TSNARE1: variants seen among roughly 807,000 people sequenced by gnomAD.
The protein encoded by TSNARE1 is t-SNARE domain containing 1.
Under a neutral mutation model 62.0 loss-of-function variants are expected in TSNARE1, and 49 were observed. The observed-to-expected ratio is 0.79, with a 90% CI of 0.63 to 1.00. The LOEUF (loss-of-function observed/expected upper bound fraction) is 1.00. Ranked by LOEUF, TSNARE1 falls within the 50% of genes least tolerant of loss-of-function variation. TSNARE1 has a pLI of 0.00. For synonymous variants in TSNARE1, 328 were observed against 294.4 expected (o/e 1.11, Z -1.17); for missense variants, 755 against 700.1 (o/e 1.08, Z -0.88).
intron 1 of TSNARE1, among the ~76,000 whole-genome samples, chr8:142,387,769 C>T (rs1057479207): frequency 2.0e-5 from 3 of 151,958 alleles, no homozygotes; most frequent in Non-Finnish European, 4.4e-5. Context: ...ATCCTCAAAA[C>T]GAAAACAAAA....
chr8:142,390,096 T>C (rs1230682090), intron 1 of TSNARE1, among the ~76,000 whole-genome samples: 1 of 152,232 alleles, frequency 6.6e-6, no homozygotes, highest in South Asian at 2.1e-4. Context: ...AATACAGTTT[T>C]AAGGATTTTT....
intron 6 of TSNARE1, among the ~76,000 whole-genome samples, chr8:142,323,885 T>C (rs1214572252): frequency 1.3e-5 from 2 of 152,106 alleles, no homozygotes; most frequent in Admixed American, 6.5e-5. Flanking sequence ...CATGCATGGC[T>C]TGGGGAACAG....
chr8:142,276,993 C>T, intron 11 of TSNARE1: 1 of 985,490 alleles, frequency 1.0e-6, no homozygotes, highest in South Asian at 4.7e-5. Context: ...GGGGGCTGCT[C>T]CCGGTGCTGT....
intron 6 of TSNARE1, among the ~76,000 whole-genome samples, chr8:142,323,928 T>C (rs7814338): frequency 0.26 from 40,139 of 152,008 alleles, 6,663 homozygotes; most frequent in African/African-American, 0.47. Context: ...TGGATGAGAC[T>C]GCACCTGTCT....
At chr8:142,379,404 G>A (rs1019182070) in intron 1 of TSNARE1, among the ~76,000 whole-genome samples, 2 of 152,206 alleles carry the variant, frequency 1.3e-5, no homozygotes, top group African/African-American at 2.4e-5. Flanking sequence ...GGGATGAGCC[G>A]CACGCTGGCC....
At chr8:142,300,685 C>A in intron 9 of TSNARE1, 41 bp from the exon 10 acceptor site, 1 of 1,580,750 alleles carries the variant, frequency 6.3e-7, no homozygotes. Flanking sequence ...TGACCCCTCC[C>A]ATTACCACCA....
At chr8:142,313,804 C>T (rs1277934668) in intron 9 of TSNARE1, among the ~76,000 whole-genome samples, 1 of 152,180 alleles carries the variant, frequency 6.6e-6, no homozygotes, top group Non-Finnish European at 1.5e-5. Context: ...GACAGAATCT[C>T]ACTCTGTCGC....
At chr8:142,297,318 A>G (rs1352018156) in intron 10 of TSNARE1, among the ~76,000 whole-genome samples, 1 of 152,238 alleles carries the variant, frequency 6.6e-6, no homozygotes, top group African/African-American at 2.4e-5. Flanking sequence ...GGAGACCAAG[A>G]GCAAGGCGGA....
intron 10 of TSNARE1, among the ~76,000 whole-genome samples, chr8:142,296,472 G>C (rs1586631753): frequency 6.7e-6 from 1 of 149,606 alleles, no homozygotes; most frequent in African/African-American, 2.5e-5. Flanking sequence ...TGGTCACTGT[G>C]GGGGAAGGGC....
chr8:142,264,049 G>T (rs573233119), intron 12 of TSNARE1, among the ~76,000 whole-genome samples: 1 of 152,192 alleles, frequency 6.6e-6, no homozygotes, highest in African/African-American at 2.4e-5. Context: ...TTCTTTGGTA[G>T]TATAAGCATT....
intron 6 of TSNARE1, among the ~76,000 whole-genome samples, chr8:142,322,355 G>C (rs958675973): frequency 1.4e-4 from 21 of 152,218 alleles, no homozygotes; most frequent in African/African-American, 4.8e-4. Context: ...TTCCCCGTAA[G>C]ATGGGGAACA....
intron 4 of TSNARE1, among the ~76,000 whole-genome samples, chr8:142,339,112 C>T (rs999748325): frequency 6.6e-6 from 1 of 152,120 alleles, no homozygotes; most frequent in African/African-American, 2.4e-5. Flanking sequence ...AAGCCCCACT[C>T]TGGGCCTCTG....
chr8:142,300,287 T>C, intron 10 of TSNARE1, 199 bp downstream of exon 10: 1 of 563,456 alleles, frequency 1.8e-6, no homozygotes, highest in African/African-American at 1.9e-5. Flanking sequence ...GGGATGGGGC[T>C]CCCAGACTCC....
chr8:142,283,752 G>C lies in TSNARE1; in HGVS notation c.1363+661C>G, dbSNP rs535400509. ...AGAGGCGGGGTTAGTGTCTGTCAAC[G>C]AGCAGAGGCAGGGACAGCGTCAATG... is the stretch of plus-strand genomic sequence containing the variant. On this transcript the variant is annotated intron_variant, in intron 11 of 13. Transcript: ENST00000524325. Among the ~76,000 whole-genome samples the C allele has an allele frequency of 7.1e-5, 10 of 140,582 alleles. No homozygotes were observed. The South Asian group carries it at 2.3e-3, about 32-fold the overall frequency. 92.2% of individuals were successfully genotyped at this position (140,582 alleles called of 152,430 possible). A position where few individuals can be genotyped will look rare whatever the true frequency, so the allele number is the denominator to read the frequency against.
intron 1 of TSNARE1, among the ~76,000 whole-genome samples, chr8:142,358,979 G>A (rs1400526257): frequency 6.6e-6 from 1 of 151,738 alleles, no homozygotes; most frequent in Non-Finnish European, 1.5e-5. Flanking sequence ...TCTGGGAGCT[G>A]GGCCCTGTCC....
chr8:142,396,926 G>A (rs1837932413), intron 1 of TSNARE1, among the ~76,000 whole-genome samples: 1 of 152,234 alleles, frequency 6.6e-6, no homozygotes, highest in South Asian at 2.1e-4. Flanking sequence ...TGACCAGGTA[G>A]AGCAAGCTCT....
intron 1 of TSNARE1, among the ~76,000 whole-genome samples, chr8:142,365,205 C>T (rs904937483): frequency 1.3e-5 from 2 of 152,168 alleles, no homozygotes; most frequent in African/African-American, 4.8e-5. Context: ...GATCTCCCTG[C>T]CCAAAGTGTG....
At chr8:142,297,306 G>A (rs546389818) in intron 10 of TSNARE1, among the ~76,000 whole-genome samples, 4 of 152,320 alleles carry the variant, frequency 2.6e-5, no homozygotes, top group Admixed American at 6.5e-5. Flanking sequence ...ACGGACACTC[G>A]AGGAGACCAA....
chr8:142,356,985 G>C (rs936992820), intron 1 of TSNARE1, among the ~76,000 whole-genome samples: 1 of 152,126 alleles, frequency 6.6e-6, no homozygotes, highest in Admixed American at 6.5e-5. Flanking sequence ...GCACCGAGAA[G>C]CCAACATTGG....
Sources: allele counts gnomAD v4.1 joint callset (sites outside exome capture counted in the v4.1 genomes callset), GRCh38; gene constraint gnomAD v4.1.1; transcripts MANE v1.5; gene names NCBI Gene and HGNC (gene_info 2026-07-23, HGNC 2026-07-21).